MTMR8: variants seen among roughly 807,000 people sequenced by gnomAD.
MTMR8 encodes myotubularin related protein 8, also known as phosphatidylinositol-3,5-bisphosphate 3-phosphatase MTMR8.
Under a neutral mutation model 39.3 loss-of-function variants are expected in MTMR8, and 65 were observed. The observed-to-expected ratio is 1.65, with a 90% CI of 1.35 to 2.03. The LOEUF (loss-of-function observed/expected upper bound fraction) is 2.03. MTMR8 is among the 30% of genes most tolerant of loss of function. MTMR8 has a pLI of 0.00. For missense variants in MTMR8, 777 were observed against 538.9 expected, an observed-to-expected ratio of 1.44 and a Z score of -4.37; for synonymous variants, 245 against 185.2, an observed-to-expected ratio of 1.32 and a Z score of -2.62.
In MTMR8 at chrX:64,320,674, G is replaced by GA. The variant is rs200907917; in HGVS notation, c.1481+8097dup. Among the ~76,000 whole-genome samples, 748 of 110,042 alleles carry GA rather than the reference G, an allele frequency of 6.8e-3. 7 individuals carry two copies. The highest frequency in any genetic ancestry group is 0.022 in the African/African-American group (658 of 30,263). On this transcript the variant is annotated intron_variant, in intron 12 of 13. Coordinates refer to ENST00000374852, the MANE Select transcript of MTMR8 (RefSeq NM_017677.4). Reference sequence around the variant, plus strand: ...AAAGGCTGGGGAAGCAGATACATGAGAAAAAAAATGCTCTGGAAAGCTCCT... The same window carrying GA: ...AAAGGCTGGGGAAGCAGATACATGAGAAAAAAAAATGCTCTGGAAAGCTCCT...
chrX:64,293,189 C>T (rs1434146797), intron 12 of MTMR8, among the ~76,000 whole-genome samples: 3 of 111,528 alleles, frequency 2.7e-5, no homozygotes, highest in Non-Finnish European at 5.7e-5. Flanking sequence ...AGTGTAAGTC[C>T]TCTTTTTGGG....
chrX:64,390,041 C>T (rs1014358935), intron 1 of MTMR8, among the ~76,000 whole-genome samples: 1 of 111,624 alleles, frequency 9.0e-6, no homozygotes, highest in Non-Finnish European at 1.9e-5. Context: ...ACTTCTTTAC[C>T]CAGTTTTATG....
At chrX:64,301,329 G>T (rs1475745785) in intron 12 of MTMR8, among the ~76,000 whole-genome samples, 1 of 103,950 alleles carries the variant, frequency 9.6e-6, no homozygotes, top group Non-Finnish European at 2.0e-5. Context: ...CATTCATTTC[G>T]TCTTCCATTG....
At chrX:64,286,467 C>T (rs919730947) in intron 12 of MTMR8, among the ~76,000 whole-genome samples, 15 of 111,884 alleles carry the variant, frequency 1.3e-4, no homozygotes, top group African/African-American at 4.6e-4. Context: ...TTTCATGAGG[C>T]CAGCATCATC....
intron 12 of MTMR8, among the ~76,000 whole-genome samples, chrX:64,292,307 C>T (rs748895240): frequency 4.5e-5 from 5 of 111,557 alleles, no homozygotes; most frequent in Admixed American, 9.6e-5. Flanking sequence ...TTGGCTGAGC[C>T]GACTAAAGCA....
At chrX:64,392,284 G>A (rs1320072045) in intron 1 of MTMR8, among the ~76,000 whole-genome samples, 1 of 112,014 alleles carries the variant, frequency 8.9e-6, no homozygotes, top group African/African-American at 3.2e-5. Flanking sequence ...TTGGCAAAAG[G>A]CAGAAACTGG....
At position 64,268,410 on chromosome X, in the gene MTMR8, T is replaced by G; in HGVS notation, c.*127A>C. ...CAGTAAAGTAATTCCCTTCCAGACT[T>G]AAGTGGGGAGAGGGGTGCCCTGGCT... On this transcript the variant is annotated 3_prime_UTR_variant, in exon 14 of 14. Transcript: ENST00000374852. The G allele has an allele frequency of 6.3e-6, 5 of 792,517 alleles. No individual in the cohort carries two copies. Among genetic ancestry groups the G allele is most frequent in the Non-Finnish European group, 7.1e-6 (4 of 559,668 alleles). 65.3% of individuals were successfully genotyped at this position (792,517 alleles called of 1,213,427 possible). A position where few individuals can be genotyped will look rare whatever the true frequency, so the allele number is the denominator to read the frequency against.
At chrX:64,347,696 T>C (rs1028492397) in intron 6 of MTMR8, among the ~76,000 whole-genome samples, 1 of 112,519 alleles carries the variant, frequency 8.9e-6, no homozygotes, top group Non-Finnish European at 1.9e-5. Flanking sequence ...ACACTTTACA[T>C]ACCAAATTAT....
In MTMR8 at chrX:64,302,572, G is replaced by A. The variant is rs182753006; in HGVS notation, c.1481+26200C>T. Among the ~76,000 whole-genome samples the A allele has an allele frequency of 2.9e-3, 320 of 112,192 alleles. 1 individual carries two copies. The highest frequency in any genetic ancestry group is 9.2e-3 in the Middle Eastern group (2 of 218). ...CTGTAGACCGGAGCTGTTCCTATTCGGCCATCTTGGCTCCTCCCCTCGGAC... is the reference window on the plus strand; with the variant it reads ...CTGTAGACCGGAGCTGTTCCTATTCAGCCATCTTGGCTCCTCCCCTCGGAC... On this transcript the variant is annotated intron_variant, in intron 12 of 13. Transcript: ENST00000374852.
intron 12 of MTMR8, among the ~76,000 whole-genome samples, chrX:64,327,784 G>A (rs1029255505): frequency 1.8e-5 from 2 of 111,629 alleles, no homozygotes; most frequent in Non-Finnish European, 3.8e-5. Context: ...CAACCTAAGT[G>A]TCCATATGGA....
chrX:64,285,506 T>C (rs1174400797), intron 12 of MTMR8, among the ~76,000 whole-genome samples: 3 of 111,337 alleles, frequency 2.7e-5, no homozygotes, highest in South Asian at 3.8e-4. Context: ...CCACCCCAAA[T>C]CAACAGAATA....
At chrX:64,370,762 T>C (rs1367382857) in intron 1 of MTMR8, among the ~76,000 whole-genome samples, 1 of 111,838 alleles carries the variant, frequency 8.9e-6, no homozygotes, top group African/African-American at 3.3e-5. Flanking sequence ...GTTCACACAA[T>C]GACAAAATTG....
chrX:64,357,178 T>A (rs930747660), intron 2 of MTMR8, among the ~76,000 whole-genome samples: 3 of 111,613 alleles, frequency 2.7e-5, no homozygotes, highest in Non-Finnish European at 3.8e-5. Context: ...TCTTTGATGT[T>A]CTCCTCCTAT....
intron 12 of MTMR8, among the ~76,000 whole-genome samples, chrX:64,297,425 GTTGT>G (rs1296785461): frequency 3.1e-5 from 3 of 97,451 alleles, no homozygotes; most frequent in African/African-American, 7.6e-5. Context: ...TTTTGATGGG[GTTGT>G]TTGTTTTTTT....
chrX:64,294,011 G>A (rs931057433), intron 12 of MTMR8, among the ~76,000 whole-genome samples: 2 of 111,370 alleles, frequency 1.8e-5, no homozygotes, highest in Admixed American at 9.5e-5. Flanking sequence ...TGGTAAATAC[G>A]GCACAGTACA....
At chrX:64,382,449 A>T (rs888867494) in intron 1 of MTMR8, among the ~76,000 whole-genome samples, 4 of 111,657 alleles carry the variant, frequency 3.6e-5, no homozygotes, top group African/African-American at 6.5e-5. Flanking sequence ...TTGCACATTG[A>T]TTTTGTATCC....
At chrX:64,319,571 A>T (rs1011753411) in intron 12 of MTMR8, among the ~76,000 whole-genome samples, 12 of 111,770 alleles carry the variant, frequency 1.1e-4, no homozygotes, top group African/African-American at 3.9e-4. Flanking sequence ...ATTTTGAATT[A>T]ATTTTTGTAT....
intron 2 of MTMR8, among the ~76,000 whole-genome samples, 185 bp downstream of exon 2, chrX:64,359,220 C>T (rs746523096): frequency 1.1e-4 from 12 of 110,358 alleles, no homozygotes; most frequent in Non-Finnish European, 2.1e-4. Flanking sequence ...ATGACCAGAG[C>T]CAATAACTTG....
intron 12 of MTMR8, among the ~76,000 whole-genome samples, chrX:64,317,728 G>C (rs1289932748): frequency 8.9e-6 from 1 of 112,159 alleles, no homozygotes; most frequent in Non-Finnish European, 1.9e-5. Context: ...ATTTTGTGAA[G>C]AGACTCTGGA....
Sources: allele counts gnomAD v4.1 joint callset (sites outside exome capture counted in the v4.1 genomes callset), GRCh38; gene constraint gnomAD v4.1.1; transcripts MANE v1.5; gene names NCBI Gene and HGNC (gene_info 2026-07-23, HGNC 2026-07-21).